SPATA16: variants seen among roughly 807,000 people sequenced by gnomAD.
The protein encoded by SPATA16 is spermatogenesis-associated protein 16.
Under a neutral mutation model 63.3 loss-of-function variants are expected in SPATA16, and 36 were observed. The observed-to-expected ratio is 0.57, with a 90% CI of 0.44 to 0.75. The LOEUF (loss-of-function observed/expected upper bound fraction) is 0.75. Ranked by LOEUF, SPATA16 falls within the 30% of genes least tolerant of loss-of-function variation. The pLI is 0.00. For missense variants in SPATA16, 646 were observed against 679.3 expected (o/e 0.95, Z 0.54); for synonymous variants, 203 against 216.7 (o/e 0.94, Z 0.56).
chr3:173,023,728 T>C (rs1735388605), intron 3 of SPATA16, among the ~76,000 whole-genome samples: 1 of 151,792 alleles, frequency 6.6e-6, no homozygotes, highest in South Asian at 2.1e-4. Context: ...TTTTACTAAT[T>C]ACTTGTAATA....
chr3:173,003,222 G>T (rs145972083), intron 4 of SPATA16, among the ~76,000 whole-genome samples: 4 of 151,992 alleles, frequency 2.6e-5, no homozygotes, highest in African/African-American at 4.8e-5. Flanking sequence ...TAAAAAGTGA[G>T]CAAAAACAAA....
At chr3:172,954,627 C>G (rs1480860962) in intron 6 of SPATA16, among the ~76,000 whole-genome samples, 1 of 152,190 alleles carries the variant, frequency 6.6e-6, no homozygotes, top group Non-Finnish European at 1.5e-5. Flanking sequence ...AAAATAACAC[C>G]TGACCTTTCC....
At chr3:173,057,115 CT>C (rs397876631) in intron 2 of SPATA16, among the ~76,000 whole-genome samples, 146 of 138,134 alleles carry the variant, frequency 1.1e-3, no homozygotes, top group Admixed American at 1.5e-3. Flanking sequence ...CTTTTCTTTT[CT>C]TTTTTTTTTT....
At chr3:173,071,889 G>T (rs746159451) in intron 2 of SPATA16, among the ~76,000 whole-genome samples, 16 of 152,178 alleles carry the variant, frequency 1.1e-4, no homozygotes, top group Non-Finnish European at 2.1e-4. Context: ...TAGTGAGAAT[G>T]GCAATTTTTA....
intron 6 of SPATA16, among the ~76,000 whole-genome samples, chr3:172,942,789 G>A (rs9823476): frequency 0.088 from 13,336 of 151,982 alleles, 1,944 homozygotes; most frequent in African/African-American, 0.3. Context: ...ATATTAGGGC[G>A]TAAACCAACC....
intron 2 of SPATA16, among the ~76,000 whole-genome samples, chr3:173,049,724 A>G (rs1302002859): frequency 6.6e-6 from 1 of 152,196 alleles, no homozygotes; most frequent in Non-Finnish European, 1.5e-5. Flanking sequence ...AAGAATATGA[A>G]TTCTTAATAA....
At chr3:173,113,875 T>A (rs558319112) in intron 2 of SPATA16, among the ~76,000 whole-genome samples, 3 of 152,308 alleles carry the variant, frequency 2.0e-5, no homozygotes, top group Admixed American at 6.5e-5. Context: ...TACCACATAT[T>A]TGGCAACCAT....
intron 6 of SPATA16, among the ~76,000 whole-genome samples, chr3:172,937,207 A>G (rs1358741420): frequency 6.6e-6 from 1 of 152,200 alleles, no homozygotes; most frequent in African/African-American, 2.4e-5. Context: ...GGGATTTGCT[A>G]GAATGGCCCT....
chr3:173,139,230 T>A (rs534243489), intron 1 of SPATA16, among the ~76,000 whole-genome samples: 182 of 152,362 alleles, frequency 1.2e-3, no homozygotes, highest in Non-Finnish European at 1.9e-3. Context: ...GCAATTTTTT[T>A]AAAAATTAGA....
chr3:173,062,646 A>T (rs1736408476), intron 2 of SPATA16, among the ~76,000 whole-genome samples: 1 of 152,156 alleles, frequency 6.6e-6, no homozygotes, highest in African/African-American at 2.4e-5. Flanking sequence ...TTTAGATCCT[A>T]TGTCCTCTAG....
At chr3:173,080,425 C>T (rs956289978) in intron 2 of SPATA16, among the ~76,000 whole-genome samples, 8 of 150,472 alleles carry the variant, frequency 5.3e-5, no homozygotes, top group Admixed American at 4.6e-4. Context: ...CATGTTGAAA[C>T]GCCACAATGC....
At chr3:172,949,204 T>C (rs892990735) in intron 6 of SPATA16, among the ~76,000 whole-genome samples, 1 of 151,388 alleles carries the variant, frequency 6.6e-6, no homozygotes, top group African/African-American at 2.5e-5. Flanking sequence ...TACCATAGAA[T>C]GTTTTTAAAA....
chr3:173,000,691 C>T (rs1311474786), intron 4 of SPATA16, among the ~76,000 whole-genome samples: 1 of 150,980 alleles, frequency 6.6e-6, no homozygotes, highest in African/African-American at 2.4e-5. Flanking sequence ...TTTTGTCCCA[C>T]AGTTCTTGGA....
chr3:172,895,970 A>G (rs1286075972), intron 10 of SPATA16, among the ~76,000 whole-genome samples: 1 of 151,794 alleles, frequency 6.6e-6, no homozygotes, highest in Non-Finnish European at 1.5e-5. Context: ...TCTAGGTTAT[A>G]TGGTAGCTGC....
chr3:173,084,804 G>A (rs1737007274), intron 2 of SPATA16, among the ~76,000 whole-genome samples: 1 of 152,052 alleles, frequency 6.6e-6, no homozygotes, highest in South Asian at 2.1e-4. Context: ...GTTTTTGTCA[G>A]GTTTGTTGAA....
chr3:173,003,370 C>G (rs971833899), intron 4 of SPATA16, among the ~76,000 whole-genome samples: 6 of 152,176 alleles, frequency 3.9e-5, no homozygotes, highest in Admixed American at 3.9e-4. Context: ...AATACCATTT[C>G]AAACTCGATG....
intron 4 of SPATA16, among the ~76,000 whole-genome samples, chr3:173,019,019 T>C (rs962492937): frequency 5.3e-5 from 8 of 152,260 alleles, no homozygotes; most frequent in African/African-American, 1.4e-4. Context: ...AAAAAATACA[T>C]TGGAGTCCAA....
chr3:173,065,264 T>A (rs574047199), intron 2 of SPATA16, among the ~76,000 whole-genome samples: 16 of 152,152 alleles, frequency 1.1e-4, no homozygotes, highest in African/African-American at 3.9e-4. Flanking sequence ...GAAACACTTT[T>A]TTTTTTTTAA....
At chr3:172,903,453 G>A (rs1182612107) in intron 10 of SPATA16, among the ~76,000 whole-genome samples, 9 of 152,156 alleles carry the variant, frequency 5.9e-5, no homozygotes, top group Admixed American at 2.0e-4. Flanking sequence ...AGTGGAGGTG[G>A]TAGACTTTGT....
Sources: gnomAD v4.1 joint callset for allele counts (sites outside exome capture counted in the v4.1 genomes callset) on GRCh38, gnomAD v4.1.1 for gene constraint, MANE v1.5 for transcripts, NCBI Gene and HGNC (gene_info 2026-07-23, HGNC 2026-07-21) for gene names.